Variants in CREB5 observed in about 807,000 individuals in gnomAD.
The protein encoded by CREB5 is cyclic AMP-responsive element-binding protein 5.
CREB5 carries 19 observed loss-of-function variants against 57.1 expected under a neutral mutation model. That is an observed-to-expected ratio of 0.33 (90% CI 0.23 to 0.49). The LOEUF (loss-of-function observed/expected upper bound fraction) is 0.49. CREB5 is among the 20% of genes least tolerant of loss of function. The pLI, the probability that CREB5 is intolerant of heterozygous loss-of-function variation, is 0.99. For missense variants in CREB5, 579 were observed against 671.6 expected (o/e 0.86, Z 1.52); for synonymous variants, 238 against 238.3 (o/e 1.00, Z 0.01).
At chr7:28,381,049 T>A (rs574458514) in intron 1 of CREB5, among the ~76,000 whole-genome samples, 1 of 152,160 alleles carries the variant, frequency 6.6e-6, no homozygotes, top group Non-Finnish European at 1.5e-5. Context: ...TACATCCCGG[T>A]TCCAGAAAAT....
At chr7:28,675,061 A>G (rs944248299) in intron 5 of CREB5, among the ~76,000 whole-genome samples, 2 of 152,134 alleles carry the variant, frequency 1.3e-5, no homozygotes, top group African/African-American at 2.4e-5. Flanking sequence ...CCCTGTAGCC[A>G]TATGTGGCTC....
chr7:28,401,915 T>C (rs1583422075), intron 1 of CREB5, among the ~76,000 whole-genome samples: 1 of 152,226 alleles, frequency 6.6e-6, no homozygotes. Flanking sequence ...ATAATCCTTT[T>C]GGTATATACC....
intron 1 of CREB5, among the ~76,000 whole-genome samples, chr7:28,300,546 C>A (rs566011848): frequency 6.7e-4 from 102 of 152,204 alleles, no homozygotes; most frequent in African/African-American, 2.3e-3. Context: ...ACAGCCCATG[C>A]TTTTGAGGAG....
intron 5 of CREB5, among the ~76,000 whole-genome samples, chr7:28,600,651 T>G (rs1056929508): frequency 6.6e-6 from 1 of 152,158 alleles, no homozygotes; most frequent in Non-Finnish European, 1.5e-5. Context: ...AAAAGCAACA[T>G]TTTCAGTTTA....
chr7:28,506,397 T>A (rs1483603910), intron 3 of CREB5, among the ~76,000 whole-genome samples: 1 of 152,216 alleles, frequency 6.6e-6, no homozygotes, highest in Non-Finnish European at 1.5e-5. Context: ...CTTAGAGAAC[T>A]ATGCAGAGAT....
At chr7:28,444,297 A>T (rs1231545919) in intron 1 of CREB5, among the ~76,000 whole-genome samples, 1 of 152,174 alleles carries the variant, frequency 6.6e-6, no homozygotes, top group Admixed American at 6.5e-5. Flanking sequence ...TTGGCAACAG[A>T]AGATTGGACG....
chr7:28,537,878 T>C (rs1397097374), intron 4 of CREB5, among the ~76,000 whole-genome samples: 1 of 152,174 alleles, frequency 6.6e-6, no homozygotes, highest in African/African-American at 2.4e-5. Flanking sequence ...ATACTAGCCT[T>C]ACTCTATCTT....
rs575536231 is a variant in CREB5, at chr7:28,821,525, T to C, written c.*2246T>C. 6.6e-6 allele frequency: 1 copy of C among 152,020 alleles called. No individual in the cohort carries two copies. The highest frequency in any genetic ancestry group is 1.5e-5 in the Non-Finnish European group (1 of 67,954). The allele number at this position is 152,020 out of a possible 1,614,324, so 9.4% of individuals were successfully genotyped here. ...AAAATGCAAATGGAATAATTTTCTA[T>C]TATATTTTAGACAAACATATCATTT... On this transcript the variant is annotated 3_prime_UTR_variant, in exon 11 of 11. Coordinates refer to ENST00000357727, the MANE Select transcript of CREB5 (RefSeq NM_182898.4).
intron 1 of CREB5, among the ~76,000 whole-genome samples, chr7:28,452,202 A>ATC (rs1210182367): frequency 6.6e-6 from 1 of 152,200 alleles, no homozygotes; most frequent in East Asian, 1.9e-4. Flanking sequence ...CACCAGCCCT[A>ATC]TCTGACTCAA....
chr7:28,627,148 T>A (rs1798027100), intron 5 of CREB5, among the ~76,000 whole-genome samples: 1 of 151,446 alleles, frequency 6.6e-6, no homozygotes, highest in Non-Finnish European at 1.5e-5. Flanking sequence ...TCATATAATC[T>A]TTTTTTTCCC....
At chr7:28,466,226 A>AAG (rs958788461) in intron 1 of CREB5, among the ~76,000 whole-genome samples, 1 of 151,800 alleles carries the variant, frequency 6.6e-6, no homozygotes, top group African/African-American at 2.4e-5. Context: ...AAAAAAAAAA[A>AAG]AAAAAAAAGC....
chr7:28,684,789 TA>T (rs555930930), intron 5 of CREB5, among the ~76,000 whole-genome samples: 2 of 152,102 alleles, frequency 1.3e-5, no homozygotes, highest in South Asian at 2.1e-4. Flanking sequence ...TTGTGGTATT[TA>T]AAAAAAATTC....
At chr7:28,562,990 T>C (rs1583634938) in intron 4 of CREB5, among the ~76,000 whole-genome samples, 2 of 152,312 alleles carry the variant, frequency 1.3e-5, no homozygotes, top group African/African-American at 2.4e-5. Context: ...CCAAACTGCC[T>C]AGAGCTGAGC....
At chr7:28,717,786 T>C (rs1802785089) in intron 5 of CREB5, among the ~76,000 whole-genome samples, 1 of 152,190 alleles carries the variant, frequency 6.6e-6, no homozygotes, top group East Asian at 1.9e-4. Context: ...AGGTTTTTGT[T>C]TGTTTGTTTT....
chr7:28,330,401 C>CCTTTTTTT (rs775917974), intron 1 of CREB5, among the ~76,000 whole-genome samples: 12 of 88,540 alleles, frequency 1.4e-4, no homozygotes, highest in African/African-American at 3.4e-4. Flanking sequence ...GAGAACCTTA[C>CCTTTTTTT]TTTTTTTTTT....
At chr7:28,654,728 ACAAG>A (rs1209936057) in intron 5 of CREB5, among the ~76,000 whole-genome samples, 2 of 152,206 alleles carry the variant, frequency 1.3e-5, no homozygotes, top group African/African-American at 4.8e-5. Context: ...TTCCATATAA[ACAAG>A]CAGCAAAATT....
chr7:28,662,190 C>T (rs2128714104), intron 5 of CREB5, among the ~76,000 whole-genome samples: 1 of 152,264 alleles, frequency 6.6e-6, no homozygotes, highest in Middle Eastern at 3.4e-3. Flanking sequence ...CTTTGATGAT[C>T]TAATGGGTTG....
chr7:28,305,619 C>T (rs1269068596), intron 1 of CREB5, among the ~76,000 whole-genome samples: 1 of 152,154 alleles, frequency 6.6e-6, no homozygotes, highest in Non-Finnish European at 1.5e-5. Flanking sequence ...GGGGACTCTG[C>T]TATTCAGAGC....
chr7:28,732,278 G>T (rs922021241), intron 7 of CREB5, among the ~76,000 whole-genome samples: 6 of 152,056 alleles, frequency 3.9e-5, no homozygotes, highest in Non-Finnish European at 8.8e-5. Flanking sequence ...ACGGCAACTG[G>T]TGAAATACAA....
Sources: gnomAD v4.1 joint callset for allele counts (sites outside exome capture counted in the v4.1 genomes callset) on GRCh38, gnomAD v4.1.1 for gene constraint, MANE v1.5 for transcripts, NCBI Gene and HGNC (gene_info 2026-07-23, HGNC 2026-07-21) for gene names.